NDC80: variants seen among roughly 807,000 people sequenced by gnomAD.
The protein encoded by NDC80 is kinetochore protein NDC80 homolog.
A neutral mutation model predicts 89.3 loss-of-function variants in NDC80; 69 were observed. That is an observed-to-expected ratio of 0.77 (90% CI 0.64 to 0.94). NDC80 has a LOEUF of 0.94. Ranked by LOEUF, NDC80 falls within the 40% of genes least tolerant of loss-of-function variation. NDC80 has a pLI of 0.00. For missense variants in NDC80, 593 were observed against 739.6 expected (o/e 0.80, Z 2.30); for synonymous variants, 243 against 255.6 (o/e 0.95, Z 0.47).
intron 1 of NDC80, among the ~76,000 whole-genome samples, chr18:2,572,740 A>G (rs949716484): frequency 6.6e-6 from 1 of 152,166 alleles, no homozygotes; most frequent in Non-Finnish European, 1.5e-5. Flanking sequence ...TCCCCTATAT[A>G]TATAGTGGGC....
chr18:2,608,324 G>GGGAT (rs2072725869), intron 14 of NDC80, among the ~76,000 whole-genome samples: 1 of 151,716 alleles, frequency 6.6e-6, no homozygotes, highest in African/African-American at 2.4e-5. Flanking sequence ...TCATGTCTCA[G>GGGAT]CCTCATGAGT....
intron 2 of NDC80, among the ~76,000 whole-genome samples, chr18:2,573,950 A>G (rs969603998): frequency 4.6e-5 from 7 of 152,174 alleles, no homozygotes; most frequent in Admixed American, 4.6e-4. Context: ...CTAAAAAAAA[A>G]AAATGTAAAT....
Position 2,614,546 on chromosome 18 carries a change from AGGAAGGAAGGAAGGAAGG to A in NDC80, c.1792-1889_1792-1872del, listed in dbSNP as rs1568015912. 8 of 6,124 alleles carry A rather than the reference AGGAAGGAAGGAAGGAAGG, an allele frequency of 1.3e-3. 1 individual carries two copies. The highest frequency in any genetic ancestry group is 8.4e-3 in the African/African-American group (6 of 718). 0.4% of individuals were successfully genotyped at this position (6,124 alleles called of 1,614,324 possible). On this transcript the variant is annotated intron_variant, in intron 16 of 16. Coordinates refer to ENST00000261597, the MANE Select transcript of NDC80 (RefSeq NM_006101.3). ...AAGGAAGGAAGGAAGGAAGGAAGGAAGGAAGGAAGGAAGGAAGGGAAAGAAAGAAAGAAAGAAAGAAAG... is the reference window on the plus strand; with the variant it reads ...AAGGAAGGAAGGAAGGAAGGAAGGAAGAAAGAAAGAAAGAAAGAAAGAAAG...
chr18:2,598,644 T>C (rs1298440656), intron 11 of NDC80, among the ~76,000 whole-genome samples: 1 of 152,210 alleles, frequency 6.6e-6, no homozygotes, highest in Non-Finnish European at 1.5e-5. Flanking sequence ...CATGAAATGT[T>C]TTAATTTGTA....
intron 7 of NDC80, among the ~76,000 whole-genome samples, chr18:2,587,283 C>G (rs2072607255): frequency 6.6e-6 from 1 of 152,174 alleles, no homozygotes; most frequent in South Asian, 2.1e-4. Flanking sequence ...GTTATTTTCT[C>G]TTGGATAAAT....
At chr18:2,586,952 A>G (rs1313848747) in intron 7 of NDC80, among the ~76,000 whole-genome samples, 3 of 152,222 alleles carry the variant, frequency 2.0e-5, no homozygotes, top group Admixed American at 6.5e-5. Context: ...TTTTAAACCT[A>G]TAAGATCAAA....
intron 13 of NDC80, 30 bp from the exon 14 acceptor site, chr18:2,606,385 G>T: frequency 6.8e-7 from 1 of 1,476,322 alleles, no homozygotes; most frequent in South Asian, 1.2e-5. Flanking sequence ...GTATAGTTAT[G>T]ATTTCTCAAC....
At chr18:2,588,767 A>G (rs777053512) in intron 8 of NDC80, among the ~76,000 whole-genome samples, 12 of 152,182 alleles carry the variant, frequency 7.9e-5, no homozygotes, top group Non-Finnish European at 1.8e-4. Context: ...CTAAGCATCT[A>G]ATGAGTAATT....
chr18:2,595,497 T>C lies in NDC80; in HGVS notation c.1097T>C (p.Ile366Thr), dbSNP rs771030445. 2.6e-5 allele frequency: 42 copies of C among 1,613,642 alleles called. No individual in the cohort carries two copies. Among genetic ancestry groups the C allele is most frequent in the African/African-American group, 1.1e-4 (8 of 74,900 alleles). ...IDNQKYSVADIERINHERNEL... is the reference protein window; with the variant it reads ...IDNQKYSVADTERINHERNEL... ...AACCAGAAGTACTCAGTTGCAGACA[T>C]TGAGCGAATAAATCATGAAAGAAAT... The change falls in exon 11 of 17, where the codon ATT becomes ACT. Residue 366 changes from isoleucine to threonine, a missense_variant. Coordinates refer to ENST00000261597, the MANE Select transcript of NDC80 (RefSeq NM_006101.3).
intron 15 of NDC80, among the ~76,000 whole-genome samples, chr18:2,609,370 AT>A (rs1478393667): frequency 6.6e-6 from 1 of 152,094 alleles, no homozygotes; most frequent in African/African-American, 2.4e-5. Context: ...CAGCACTAAA[AT>A]TTCATCAGTA....
At position 2,590,091 on chromosome 18, in the gene NDC80, G is replaced by A. The variant is rs1301706754; in HGVS notation, c.944G>A (p.Ser315Asn). The A allele has an allele frequency of 6.2e-7, 1 of 1,612,180 alleles. No homozygotes were observed. The highest frequency in any genetic ancestry group is 2.2e-5 in the East Asian group (1 of 44,772). ...GDVQKYQAYMSNLESHSAILD... is the reference protein window; with the variant it reads ...GDVQKYQAYMNNLESHSAILD... ...GTTCAAAAGTATCAGGCATACATGA[G>A]CAATTTGGAGTCTCATTCAGCCATT... Residue 315 changes from serine (S) to asparagine (N), a missense_variant, in exon 10 of 17, where the codon AGC becomes AAC. Transcript: ENST00000261597.
At chr18:2,580,731 A>ATTTTTTTT (rs71365186) in intron 6 of NDC80, among the ~76,000 whole-genome samples, 2,872 of 55,446 alleles carry the variant, frequency 0.052, 874 homozygotes, top group East Asian at 0.083. Flanking sequence ...TCACCATCAG[A>ATTTTTTTT]TTTTTTTTTT....
At chr18:2,612,179 T>G (rs1482617802) in intron 16 of NDC80, among the ~76,000 whole-genome samples, 1 of 152,118 alleles carries the variant, frequency 6.6e-6, no homozygotes, top group Non-Finnish European at 1.5e-5. Flanking sequence ...ATGTGTCATT[T>G]TACATCTTTG....
intron 10 of NDC80, among the ~76,000 whole-genome samples, chr18:2,591,638 A>T (rs929821666): frequency 6.6e-6 from 1 of 151,748 alleles, no homozygotes; most frequent in Non-Finnish European, 1.5e-5. Context: ...CTCTTTAAAT[A>T]TATTAACTAC....
chr18:2,583,242 G>A (rs1412793935), intron 6 of NDC80, among the ~76,000 whole-genome samples: 1 of 152,168 alleles, frequency 6.6e-6, no homozygotes, highest in East Asian at 1.9e-4. Context: ...AGCTCTTGGG[G>A]ATCTGTATGT....
chr18:2,604,410 T>C (rs1399674190), intron 13 of NDC80, among the ~76,000 whole-genome samples: 1 of 152,164 alleles, frequency 6.6e-6, no homozygotes, highest in African/African-American at 2.4e-5. Context: ...GGACCGGGCA[T>C]AGTGGCTCAC....
intron 6 of NDC80, among the ~76,000 whole-genome samples, chr18:2,581,817 CT>C (rs796113085): frequency 3.6e-4 from 54 of 151,968 alleles, no homozygotes; most frequent in African/African-American, 1.3e-3. Context: ...ATTCTTACTT[CT>C]TTTCACAATG....
chr18:2,573,200 CT>C, intron 2 of NDC80, 114 bp downstream of exon 2: 1 of 823,802 alleles, frequency 1.2e-6, no homozygotes, highest in Non-Finnish European at 1.8e-6. Context: ...TGAATCTTGT[CT>C]GTTCCCAGGG....
At chr18:2,577,494 A>ATT (rs2072553063) in intron 3 of NDC80, 1 of 342,444 alleles carries the variant, frequency 2.9e-6, no homozygotes, top group Non-Finnish European at 5.6e-6. Flanking sequence ...GATTACAGGC[A>ATT]TGAGCCACTG....
Sources: gnomAD v4.1 joint callset for allele counts (sites outside exome capture counted in the v4.1 genomes callset) on GRCh38, gnomAD v4.1.1 for gene constraint, MANE v1.5 for transcripts, NCBI Gene and HGNC (gene_info 2026-07-23, HGNC 2026-07-21) for gene names.